Variants in HSPA12A observed in about 807,000 individuals in gnomAD.
The protein encoded by HSPA12A is heat shock 70 kDa protein 12A.
HSPA12A carries 28 observed loss-of-function variants against 69.2 expected under a neutral mutation model. The ratio of observed to expected loss-of-function variants is 0.40; its 90% CI spans 0.30 to 0.55. The LOEUF (loss-of-function observed/expected upper bound fraction) is 0.55, where lower values mean the gene tolerates loss of function less well. HSPA12A is among the 20% of genes least tolerant of loss of function. The pLI, the probability that HSPA12A is intolerant of heterozygous loss-of-function variation, is 0.38. For synonymous variants in HSPA12A, 345 were observed against 370.5 expected (o/e 0.93, Z 0.79); for missense variants, 686 against 900.7 (o/e 0.76, Z 3.05).
At chr10:116,800,190 C>G (rs183655807) in intron 2 of HSPA12A, among the ~76,000 whole-genome samples, 1 of 152,160 alleles carries the variant, frequency 6.6e-6, no homozygotes, top group African/African-American at 2.4e-5. Context: ...GCTCTAGCTT[C>G]GGTACCAGCC....
intron 1 of HSPA12A, among the ~76,000 whole-genome samples, chr10:116,718,570 G>A (rs565620395): frequency 2.0e-5 from 3 of 152,218 alleles, no homozygotes; most frequent in African/African-American, 4.8e-5. Flanking sequence ...ACAGTTGTAC[G>A]GCTTGTGCAC....
chr10:116,704,260 C>T (rs1260800758), intron 3 of HSPA12A, among the ~76,000 whole-genome samples: 2 of 152,198 alleles, frequency 1.3e-5, no homozygotes, highest in Non-Finnish European at 2.9e-5. Flanking sequence ...CACATATACA[C>T]CATGGAATAC....
intron 1 of HSPA12A, among the ~76,000 whole-genome samples, chr10:116,848,826 T>C (rs1405499843): frequency 2.0e-5 from 3 of 151,974 alleles, no homozygotes; most frequent in African/African-American, 7.3e-5. Context: ...ACCACAACCA[T>C]CCCTTAGGGT....
intron 2 of HSPA12A, among the ~76,000 whole-genome samples, chr10:116,787,024 ACT>A (rs1432898967): frequency 2.0e-5 from 3 of 151,360 alleles, no homozygotes; most frequent in African/African-American, 4.9e-5. Flanking sequence ...ACACGCACGC[ACT>A]CACACACACA....
At chr10:116,717,378 C>T (rs563082611) in intron 1 of HSPA12A, among the ~76,000 whole-genome samples, 80 of 152,334 alleles carry the variant, frequency 5.3e-4, no homozygotes, top group African/African-American at 1.8e-3. Flanking sequence ...CACAGGGCAG[C>T]TCCTGGCTGT....
chr10:116,827,860 G>A (rs1347320958), intron 2 of HSPA12A, among the ~76,000 whole-genome samples: 2 of 152,202 alleles, frequency 1.3e-5, no homozygotes, highest in Non-Finnish European at 2.9e-5. Context: ...ATTCTCTGCG[G>A]CAGACGGTGG....
chr10:116,734,135 A>C (rs983336297), intron 1 of HSPA12A, among the ~76,000 whole-genome samples: 4 of 152,056 alleles, frequency 2.6e-5, no homozygotes, highest in African/African-American at 9.7e-5. Flanking sequence ...AACAGGGCAC[A>C]GTGGTTCACA....
At chr10:116,679,872 C>T (rs1387445269) in intron 9 of HSPA12A, 111 bp from the exon 10 acceptor site, 17 of 1,093,108 alleles carry the variant, frequency 1.6e-5, no homozygotes, top group Admixed American at 2.2e-5. Context: ...AGCAATGGGA[C>T]GGCAGCTATA....
upstream of HSPA12A, chr10:116,742,638 C>G: frequency 2.0e-6 from 2 of 1,013,146 alleles, no homozygotes; most frequent in African/African-American, 3.5e-5. Context: ...CCGGGCCCCG[C>G]CCCGGCCCGC....
intron 3 of HSPA12A, among the ~76,000 whole-genome samples, chr10:116,702,004 T>C (rs1589642632): frequency 6.6e-6 from 1 of 151,984 alleles, no homozygotes; most frequent in East Asian, 1.9e-4. Flanking sequence ...GAAAGAACCA[T>C]AGAAACAGAT....
chr10:116,793,587 C>G (rs1447441516), intron 2 of HSPA12A, among the ~76,000 whole-genome samples: 1 of 151,066 alleles, frequency 6.6e-6, no homozygotes, highest in Admixed American at 6.6e-5. Flanking sequence ...AAACAACAAA[C>G]AAACAAAAAA....
chr10:116,830,013 T>A (rs1845583771), intron 2 of HSPA12A: 1 of 152,250 alleles, frequency 6.6e-6, no homozygotes. Flanking sequence ...GAAACTCGTG[T>A]TCACCACCAT....
At chr10:116,781,963 GA>G (rs1554891852) in intron 2 of HSPA12A, among the ~76,000 whole-genome samples, 1 of 152,206 alleles carries the variant, frequency 6.6e-6, no homozygotes, top group Non-Finnish European at 1.5e-5. Context: ...CAAACTGGGA[GA>G]TAATATTCCT....
intron 1 of HSPA12A, among the ~76,000 whole-genome samples, chr10:116,719,758 A>G (rs1244207809): frequency 4.6e-5 from 7 of 152,202 alleles, no homozygotes; most frequent in African/African-American, 1.4e-4. Context: ...AAACAACCCA[A>G]TGAGGTGGGA....
upstream of HSPA12A, chr10:116,850,087 ATAC>A: frequency 2.4e-6 from 1 of 420,186 alleles, no homozygotes; most frequent in South Asian, 2.1e-5. Context: ...TTTTTAACAC[ATAC>A]CTTAATGCCC....
At chr10:116,687,657 T>G (rs912809410) in intron 6 of HSPA12A, among the ~76,000 whole-genome samples, 14 of 152,212 alleles carry the variant, frequency 9.2e-5, no homozygotes, top group African/African-American at 3.4e-4. Context: ...GCATTAACAC[T>G]TGCAGCCACC....
At chr10:116,809,557 A>G (rs1180194604) in intron 2 of HSPA12A, among the ~76,000 whole-genome samples, 1 of 152,232 alleles carries the variant, frequency 6.6e-6, no homozygotes, top group Non-Finnish European at 1.5e-5. Context: ...CCTGGCACAC[A>G]GGAAGTGCTC....
chr10:116,820,431 G>T (rs997209424), intron 2 of HSPA12A, among the ~76,000 whole-genome samples: 1 of 152,084 alleles, frequency 6.6e-6, no homozygotes, highest in Non-Finnish European at 1.5e-5. Flanking sequence ...GAGGAAGCCA[G>T]GAGTGTTACC....
intron 5 of HSPA12A, among the ~76,000 whole-genome samples, chr10:116,697,974 T>C (rs988461940): frequency 3.3e-5 from 5 of 152,218 alleles, no homozygotes; most frequent in Non-Finnish European, 5.9e-5. Flanking sequence ...CATGGCGTTT[T>C]CAAGGTTTCT....
Sources: allele counts gnomAD v4.1 joint callset (sites outside exome capture counted in the v4.1 genomes callset), GRCh38; gene constraint gnomAD v4.1.1; transcripts MANE v1.5; gene names NCBI Gene and HGNC (gene_info 2026-07-23, HGNC 2026-07-21).